The following FAM114A1 variants were observed in gnomAD, a reference collection of about 807,000 sequenced individuals.
FAM114A1 encodes the protein protein NOXP20.
FAM114A1 carries 62 observed loss-of-function variants against 64.3 expected under a neutral mutation model. That is an observed-to-expected ratio of 0.96 (90% CI 0.79 to 1.19). FAM114A1 has a LOEUF of 1.19. FAM114A1 is among the 50% of genes most tolerant of loss of function. The probability of loss-of-function intolerance (pLI) is 0.00; values close to 1 mark genes in which losing one functional copy is unlikely to be tolerated. For missense variants in FAM114A1, 645 were observed against 676.3 expected (o/e 0.95, Z 0.51); for synonymous variants, 254 against 251.1 (o/e 1.01, Z -0.11).
chr4:38,876,630 A>C (rs980046401), intron 2 of FAM114A1, among the ~76,000 whole-genome samples: 1 of 152,360 alleles, frequency 6.6e-6, no homozygotes, highest in African/African-American at 2.4e-5. Flanking sequence ...GGTTTCTGTT[A>C]GCTTCCTATC....
chr4:38,887,982 C>T (rs945033910), intron 3 of FAM114A1, among the ~76,000 whole-genome samples: 3 of 152,160 alleles, frequency 2.0e-5, no homozygotes, highest in African/African-American at 7.2e-5. Flanking sequence ...AAGTTATACG[C>T]AGCACCTGAT....
rs780061372 is a variant in FAM114A1, at chr4:38,931,566, A to G, written c.1277A>G (p.Asp426Gly). 13 of 1,613,852 alleles carry G rather than the reference A, an allele frequency of 8.1e-6. No homozygotes were observed. In the South Asian group the frequency reaches 1.4e-4, roughly 18 times the overall value. The change falls in exon 11 of 15, where the codon GAC (aspartate) becomes GGC (glycine). Residue 426 changes from aspartate (D) to glycine (G), a missense_variant. Physicochemically the swap from Asp to Gly is moderately conservative, Grantham distance 94 (BLOSUM62 -1). Coordinates refer to ENST00000358869, the MANE Select transcript of FAM114A1 (RefSeq NM_138389.4). Reference sequence around the variant, plus strand: ...GAAGAAAAGGAAGAGAAATCTCAAGACCCTCAAGAAGACAAAAAGGAGGAA... The same window carrying G: ...GAAGAAAAGGAAGAGAAATCTCAAGGCCCTCAAGAAGACAAAAAGGAGGAA... ...KKEEKEEKSQ[D>G]PQEDKKEEKK...
At chr4:38,892,352 GT>G (rs1716494202) in intron 4 of FAM114A1, among the ~76,000 whole-genome samples, 1 of 152,076 alleles carries the variant, frequency 6.6e-6, no homozygotes, top group Admixed American at 6.5e-5. Flanking sequence ...GGCTAATAGA[GT>G]TTTTGTAATT....
intron 9 of FAM114A1, among the ~76,000 whole-genome samples, chr4:38,923,557 G>A (rs1719830967): frequency 6.6e-6 from 1 of 152,176 alleles, no homozygotes; most frequent in Non-Finnish European, 1.5e-5. Context: ...GCATGTGAAA[G>A]TTATTTAGTG....
intron 1 of FAM114A1, chr4:38,868,058 AGTGT>A: frequency 1.5e-5 from 6 of 412,914 alleles, no homozygotes; most frequent in East Asian, 9.2e-5. Context: ...CGGGCGTGTG[AGTGT>A]GTGTGTGTGA....
intron 12 of FAM114A1, among the ~76,000 whole-genome samples, chr4:38,933,943 C>T (rs1330552113): frequency 1.3e-5 from 2 of 152,114 alleles, no homozygotes; most frequent in Non-Finnish European, 2.9e-5. Context: ...TTTGTACTGG[C>T]GGCATTTTTC....
chr4:38,908,468 G>GA, intron 6 of FAM114A1, 124 bp from the exon 7 acceptor site: 1 of 923,896 alleles, frequency 1.1e-6, no homozygotes. Context: ...CTCCTGATGA[G>GA]AAAAAATTGT....
chr4:38,924,223 C>T (rs1389473801), intron 9 of FAM114A1, among the ~76,000 whole-genome samples: 2 of 152,114 alleles, frequency 1.3e-5, no homozygotes, highest in Non-Finnish European at 2.9e-5. Context: ...TATCTAAAAA[C>T]ATATATTACA....
intron 9 of FAM114A1, among the ~76,000 whole-genome samples, chr4:38,926,466 T>G (rs549037899): frequency 6.6e-6 from 1 of 151,768 alleles, no homozygotes; most frequent in East Asian, 1.9e-4. Context: ...CCTTTTTTTT[T>G]TTTTTCCAGA....
chr4:38,878,034 C>T (rs73236661), intron 2 of FAM114A1, 37 bp from the exon 3 acceptor site: 392,483 of 1,482,446 alleles, frequency 0.26, 54,516 homozygotes, highest in African/African-American at 0.31. Flanking sequence ...CTTAACAATT[C>T]GATGAAAGCA....
rs576887492 is a variant in FAM114A1 at position 38,913,772 on chromosome 4, A to G, written c.793-1149A>G. Among the ~76,000 whole-genome samples, 32 of 152,294 alleles carry G rather than the reference A, an allele frequency of 2.1e-4. 1 individual carries two copies. The South Asian group carries it at 2.5e-3, about 12-fold the overall frequency. On this transcript the variant is annotated intron_variant, in intron 7 of 14. Transcript: ENST00000358869. ...TGTTTATTAATTTTTAAATTGAGGA[A>G]ATTTAATAACCACGTACACAAAATT...
Position 38,936,031 on chromosome 4 carries a change from A to G in FAM114A1, c.1536+241A>G, listed in dbSNP as rs577370706. Reference sequence around the variant, plus strand: ...AGATGTTGGGTGAGTGAGTTTTCAAACCTCTGTGGCCCTTATTTTCTTTGT... The same window carrying G: ...AGATGTTGGGTGAGTGAGTTTTCAAGCCTCTGTGGCCCTTATTTTCTTTGT... On this transcript the variant is annotated intron_variant, in intron 13 of 14. Coordinates refer to ENST00000358869, the MANE Select transcript of FAM114A1 (RefSeq NM_138389.4). Among the ~76,000 whole-genome samples the G allele has an allele frequency of 2.0e-5, 3 of 149,472 alleles. No homozygotes were observed. The South Asian group carries it at 6.3e-4, about 32-fold the overall frequency.
chr4:38,905,806 C>G lies in FAM114A1; in HGVS notation c.602C>G (p.Pro201Arg). The G allele has an allele frequency of 6.2e-7, 1 of 1,614,104 alleles. No homozygotes were observed. The highest frequency in any genetic ancestry group is 8.5e-7 in the Non-Finnish European group (1 of 1,180,012). The change falls in exon 6 of 15, where the codon CCT (proline) becomes CGT (arginine). Residue 201 changes from proline to arginine, a missense_variant. Coordinates refer to ENST00000358869, the MANE Select transcript of FAM114A1 (RefSeq NM_138389.4). The stretch of plus-strand genomic sequence containing the variant: ...CCTGCAGAAAGCCCACCCACTTCCC[C>G]TTCATCAGCCTCTCGGGGTATGCTG... The part of the protein sequence containing the change: ...QGPAESPPTS[P>R]SSASRGMLSA...
In FAM114A1 at chr4:38,929,977, T is replaced by A. The variant is rs118162589; in HGVS notation, c.1161+644T>A. On this transcript the variant is annotated intron_variant, in intron 10 of 14. Transcript: ENST00000358869. ...TGTCGGAGCAGTAGTTATCATCAGG[T>A]TAGGGCAGGGAAAAAGGGTGCAGAA... Among the ~76,000 whole-genome samples the A allele has an allele frequency of 9.0e-4, 137 of 152,252 alleles. 8 individuals are homozygous for A. In the East Asian group the frequency reaches 0.026, roughly 29 times the overall value.
chr4:38,879,531 A>C (rs944151631), intron 3 of FAM114A1, among the ~76,000 whole-genome samples: 1 of 152,186 alleles, frequency 6.6e-6, no homozygotes, highest in African/African-American at 2.4e-5. Context: ...CCTGTATTCA[A>C]GATTGGGCTA....
At chr4:38,871,820 T>C (rs1399220151) in intron 2 of FAM114A1, among the ~76,000 whole-genome samples, 1 of 152,226 alleles carries the variant, frequency 6.6e-6, no homozygotes, top group Admixed American at 6.5e-5. Flanking sequence ...AGTTAACCAG[T>C]CTGTTCTTAT....
At chr4:38,906,453 T>C (rs960703695) in intron 6 of FAM114A1, among the ~76,000 whole-genome samples, 1 of 152,148 alleles carries the variant, frequency 6.6e-6, no homozygotes, top group South Asian at 2.1e-4. Context: ...CATTGGTGAA[T>C]AATGAAAAAA....
intron 7 of FAM114A1, among the ~76,000 whole-genome samples, chr4:38,910,551 T>C (rs551417499): frequency 6.6e-6 from 1 of 151,920 alleles, no homozygotes; most frequent in African/African-American, 2.4e-5. Context: ...GCGAGTGCCA[T>C]GGGGAAAAAG....
chr4:38,922,264 T>A (rs1719672673), intron 8 of FAM114A1, among the ~76,000 whole-genome samples: 1 of 152,214 alleles, frequency 6.6e-6, no homozygotes, highest in Admixed American at 6.5e-5. Context: ...TTATAAGTAT[T>A]GAGCATCACT....
Sources: allele counts gnomAD v4.1 joint callset (sites outside exome capture counted in the v4.1 genomes callset), GRCh38; gene constraint gnomAD v4.1.1; transcripts MANE v1.5; gene names NCBI Gene and HGNC (gene_info 2026-07-23, HGNC 2026-07-21).